Variants in MCAM observed in about 807,000 individuals in gnomAD.
MCAM encodes the protein cell surface glycoprotein MUC18.
MCAM carries 55 observed loss-of-function variants against 79.1 expected under a neutral mutation model. The ratio of observed to expected loss-of-function variants is 0.70; its 90% CI spans 0.56 to 0.87. The LOEUF (loss-of-function observed/expected upper bound fraction) is 0.87. MCAM is among the 40% of genes least tolerant of loss of function. The probability of loss-of-function intolerance (pLI) is 0.00; values close to 1 mark genes in which losing one functional copy is unlikely to be tolerated. For missense variants in MCAM, 745 were observed against 839.8 expected, an observed-to-expected ratio of 0.89 and a Z score of 1.40; for synonymous variants, 330 against 339.8, an observed-to-expected ratio of 0.97 and a Z score of 0.32.
In MCAM at chr11:119,311,679, G is replaced by A. The variant is rs1370326100; in HGVS notation, c.1286-28C>T. ...TGGGGAGGTAGGGAGAGGTGAGGTG[G>A]CAAGCCCAGCTAGCCTGCCTCCCCC... On this transcript the variant is annotated intron_variant, in intron 10 of 15. Coordinates refer to ENST00000264036, the MANE Select transcript of MCAM (RefSeq NM_006500.3). This position sits in a 1 kb window ranked among gnomAD's most constrained non-coding sequence, Gnocchi z 4.4. 1 of 1,613,312 alleles carries A rather than the reference G, an allele frequency of 6.2e-7. No homozygotes were observed. Among genetic ancestry groups the A allele is most frequent in the Admixed American group, 1.7e-5 (1 of 59,992 alleles).
chr11:119,315,328 G>T lies in MCAM; in HGVS notation c.68-65C>A. On this transcript the variant is annotated intron_variant, in intron 1 of 15. Transcript: ENST00000264036. The surrounding 1 kb of genome is among the most constrained non-coding windows in gnomAD (Gnocchi z 4.4). ...CCGGCTGCTGTCCGCCCCTCCCCTC[G>T]CAGCGCTGCTGCAGCTGTTTTTCCT... 1 of 1,542,678 alleles carries T rather than the reference G, an allele frequency of 6.5e-7. No homozygotes were observed. Among genetic ancestry groups the T allele is most frequent in the Non-Finnish European group, 8.7e-7 (1 of 1,147,616 alleles).
In MCAM at chr11:119,314,573, C is replaced by T. The variant is rs747157300; in HGVS notation, c.475G>A (p.Ala159Thr). Residue 159 changes from alanine to threonine, a missense_variant, in exon 5 of 16, where the codon GCT becomes ACT. Ala to Thr is a moderately conservative substitution (Grantham distance 58). Coordinates refer to ENST00000264036, the MANE Select transcript of MCAM (RefSeq NM_006500.3). ...PVNSKEPEEVATCVGRNGYPI... is the reference protein window; with the variant it reads ...PVNSKEPEEVTTCVGRNGYPI... ...TACCCGTTCCTCCCTACACAGGTAG[C>T]GACCTAAAGAGCACAGGGTGTGAGT... 6.8e-6 allele frequency: 11 copies of T among 1,613,666 alleles called. No individual in the cohort carries two copies. The highest frequency in any genetic ancestry group is 1.1e-5 in the South Asian group (1 of 91,076).
chr11:119,315,682 C>A lies in MCAM; in HGVS notation c.68-419G>T, dbSNP rs528719050. 4 of 224,318 alleles carry A rather than the reference C, an allele frequency of 1.8e-5. No individual in the cohort carries two copies. The South Asian group carries it at 2.8e-4, about 16-fold the overall frequency. 13.9% of individuals were successfully genotyped at this position (224,318 alleles called of 1,614,324 possible). The stretch of plus-strand genomic sequence containing the variant: ...GTGTCACCACCGCCAGGGGAAGACA[C>A]CACTGCTCTATCCTCTGCCCTCCAA... On this transcript the variant is annotated intron_variant, in intron 1 of 15. Transcript: ENST00000264036. This position sits in a 1 kb window ranked among gnomAD's most constrained non-coding sequence, Gnocchi z 4.4.
rs376386601 is a variant in MCAM, at chr11:119,312,207, G to A, written c.1025-37C>T. Reference sequence around the variant, plus strand: ...GCAATCATGTCACCCAGGGCAGGGTGGGGCCAGTTCCCTATTGCCCCAGCC... The same window carrying A: ...GCAATCATGTCACCCAGGGCAGGGTAGGGCCAGTTCCCTATTGCCCCAGCC... On this transcript the variant is annotated intron_variant, in intron 8 of 15. Transcript: ENST00000264036. This position sits in a 1 kb window ranked among gnomAD's most constrained non-coding sequence, Gnocchi z 4.9. 3.2e-5 allele frequency: 52 copies of A among 1,611,094 alleles called. No individual in the cohort carries two copies. The African/African-American group carries it at 5.6e-4, about 17-fold the overall frequency.
Position 119,312,331 on chromosome 11 carries a change from C to A in MCAM, c.959G>T (p.Cys320Phe). 6.2e-7 allele frequency: 1 copy of A among 1,614,098 alleles called. No individual in the cohort carries two copies. Among genetic ancestry groups the A allele is most frequent in the Non-Finnish European group, 8.5e-7 (1 of 1,180,002 alleles). ...ARKEHSGRYECQGLDLDTMIS... is the reference protein window; with the variant it reads ...ARKEHSGRYEFQGLDLDTMIS... ...CATGGTGTCCAAGTCCAGGCCCTGA[C>A]ATTCATAGCGCCCACTGTGTTCCTT... Residue 320 changes from cysteine to phenylalanine, a missense_variant, in exon 8 of 16, where the codon TGT becomes TTT. Cys to Phe is a radical substitution (Grantham distance 205). Transcript: ENST00000264036. This position sits in a 1 kb window ranked among gnomAD's most constrained non-coding sequence, Gnocchi z 4.9.
At position 119,315,354 on chromosome 11, in the gene MCAM, G is replaced by A. The variant is rs1223772286; in HGVS notation, c.68-91C>T. 2.7e-6 allele frequency: 4 copies of A among 1,482,128 alleles called. No individual in the cohort carries two copies. The South Asian group carries it at 3.8e-5, about 14-fold the overall frequency. The allele number at this position is 1,482,128 out of a possible 1,614,324, so 91.8% of individuals were successfully genotyped here. On this transcript the variant is annotated intron_variant, in intron 1 of 15. Coordinates refer to ENST00000264036, the MANE Select transcript of MCAM (RefSeq NM_006500.3). The surrounding 1 kb of genome is among the most constrained non-coding windows in gnomAD (Gnocchi z 4.4). ...CAGCGCTGCTGCAGCTGTTTTTCCT[G>A]CCACTCAGAGGGTCTGCAGAGGGCC... is the stretch of plus-strand genomic sequence containing the variant.
chr11:119,316,034 G>T lies in MCAM; in HGVS notation c.68-771C>A. On this transcript the variant is annotated intron_variant, in intron 1 of 15. Transcript: ENST00000264036. This position sits in a 1 kb window ranked among gnomAD's most constrained non-coding sequence, Gnocchi z 4.8. Reference sequence around the variant, plus strand: ...TGGAAGGTGGGGTCTCCAACCCAGAGCCTCAGACCCCTGACTCCTCCCAGA... The same window carrying T: ...TGGAAGGTGGGGTCTCCAACCCAGATCCTCAGACCCCTGACTCCTCCCAGA... 6.6e-6 allele frequency: 1 copy of T among 152,594 alleles called. No individual in the cohort carries two copies. The highest frequency in any genetic ancestry group is 1.5e-5 in the Non-Finnish European group (1 of 68,244). 9.5% of individuals were successfully genotyped at this position (152,594 alleles called of 1,614,324 possible).
intron 5 of MCAM, chr11:119,313,220 T>C (rs1396350174): frequency 6.3e-6 from 9 of 1,434,342 alleles, no homozygotes; most frequent in Non-Finnish European, 7.4e-6. Context: ...AGATGTCCAC[T>C]AAATGGGGAA....
At chr11:119,313,597 C>G (rs1198770432) in intron 5 of MCAM, 1 of 300,644 alleles carries the variant, frequency 3.3e-6, no homozygotes, top group Non-Finnish European at 6.5e-6. Context: ...GATGGGGTTT[C>G]TCCGTGTTGG....
intron 4 of MCAM, 36 bp downstream of exon 4, chr11:119,314,643 G>T: frequency 6.2e-7 from 1 of 1,610,774 alleles, no homozygotes; most frequent in Non-Finnish European, 8.5e-7. Context: ...CAGCGGCTGC[G>T]CACCAGCTGC....
chr11:119,314,488 C>T lies in MCAM; in HGVS notation c.559+1G>A. 1.2e-6 allele frequency: 2 copies of T among 1,613,454 alleles called. No homozygotes were observed. Among genetic ancestry groups the T allele is most frequent in the African/African-American group, 1.3e-5 (1 of 74,988 alleles). On this transcript the variant is annotated splice_donor_variant, in intron 5 of 15. Coordinates refer to ENST00000264036, the MANE Select transcript of MCAM (RefSeq NM_006500.3). LOFTEE classifies it high-confidence loss of function. The stretch of plus-strand genomic sequence containing the variant: ...GGCTTTTGGGAGAAAGGGCTACTCA[C>T]GGTTCTTCTCCTCCTTCAGAGGCCG...
At position 119,309,883 on chromosome 11, in the gene MCAM, G is replaced by A. The variant is rs201935046; in HGVS notation, c.*3C>T. Reference sequence around the variant, plus strand: ...CAGGGAAGGGAGCTGAAGTGATTCGGGGCTAATGCCTCAGATCGATGTATT... The same window carrying A: ...CAGGGAAGGGAGCTGAAGTGATTCGAGGCTAATGCCTCAGATCGATGTATT... On this transcript the variant is annotated 3_prime_UTR_variant, in exon 16 of 16. Coordinates refer to ENST00000264036, the MANE Select transcript of MCAM (RefSeq NM_006500.3). 8.7e-6 allele frequency: 14 copies of A among 1,600,140 alleles called. No homozygotes were observed. In the Admixed American group the frequency reaches 1.6e-4, roughly 18 times the overall value.
rs753858877 is a variant in MCAM, at chr11:119,314,874, C to T, written c.359G>A (p.Arg120His). The T allele has an allele frequency of 7.4e-6, 12 of 1,613,472 alleles. No individual in the cohort carries two copies. In the African/African-American group the frequency reaches 8.0e-5, roughly 11 times the overall value. Reference protein sequence around the residue: ...DERIFLCQGKRPRSQEYRIQL... With the variant: ...DERIFLCQGKHPRSQEYRIQL... ...GATGCGGTACTCCTGGGACCGAGGG[C>T]GCTTGCCCTGGCACAAGAAGATGCG... Residue 120 changes from arginine (R) to histidine (H), a missense_variant, in exon 3 of 16, where the codon CGC (arginine) becomes CAC (histidine). Physicochemically the swap from Arg to His is conservative, Grantham distance 29 (BLOSUM62 0). Transcript: ENST00000264036.
rs200973320 is a variant in MCAM, at chr11:119,314,829, G to A, written c.400+4C>T. ...ACCCTGCTGGCAGACACAGGGTCACGCACTGTAGACGCGGAGCTGGATGCG... is the reference window on the plus strand; with the variant it reads ...ACCCTGCTGGCAGACACAGGGTCACACACTGTAGACGCGGAGCTGGATGCG... On this transcript the variant is annotated splice_donor_region_variant and intron_variant, in intron 3 of 15. Coordinates refer to ENST00000264036, the MANE Select transcript of MCAM (RefSeq NM_006500.3). The A allele has an allele frequency of 6.0e-5, 97 of 1,613,642 alleles. No homozygotes were observed. In the East Asian group the frequency reaches 1.6e-3, roughly 27 times the overall value.
chr11:119,312,769 C>T lies in MCAM; in HGVS notation c.739+1G>A. 1 of 1,613,980 alleles carries T rather than the reference C, an allele frequency of 6.2e-7. No individual in the cohort carries two copies. The highest frequency in any genetic ancestry group is 1.1e-5 in the South Asian group (1 of 91,068). On this transcript the variant is annotated splice_donor_variant, in intron 6 of 15. Transcript: ENST00000264036. LOFTEE classifies it high-confidence loss of function. This position sits in a 1 kb window ranked among gnomAD's most constrained non-coding sequence, Gnocchi z 4.9. ...AAGCAGAGAGTCAGGTTAGTACTCACAGAAAACAGGGACGGTGACTTCCCT... is the reference window on the plus strand; with the variant it reads ...AAGCAGAGAGTCAGGTTAGTACTCATAGAAAACAGGGACGGTGACTTCCCT...
rs756855138 is a variant in MCAM at position 119,311,257 on chromosome 11, C to A, written c.1549+23G>T. 3 of 1,613,804 alleles carry A rather than the reference C, an allele frequency of 1.9e-6. No individual in the cohort carries two copies. Among genetic ancestry groups the A allele is most frequent in the African/African-American group, 1.3e-5 (1 of 74,912 alleles). Reference sequence around the variant, plus strand: ...CGTGCCTGGGCCTGCCCCTGCCATCCCCTGCAGGGATGCAGCCCTCACCCA... The same window carrying A: ...CGTGCCTGGGCCTGCCCCTGCCATCACCTGCAGGGATGCAGCCCTCACCCA... On this transcript the variant is annotated intron_variant, in intron 12 of 15. Transcript: ENST00000264036. The surrounding 1 kb of genome is among the most constrained non-coding windows in gnomAD (Gnocchi z 4.4).
intron 15 of MCAM, 67 bp from the exon 16 acceptor site, chr11:119,309,982 G>A (rs1292220870): frequency 8.4e-6 from 11 of 1,307,696 alleles, no homozygotes; most frequent in Non-Finnish European, 1.1e-5. Context: ...TGAGCACCGA[G>A]AGGAAGGAGA....
chr11:119,313,117 C>T, intron 5 of MCAM, 168 bp from the exon 6 acceptor site: 1 of 1,535,244 alleles, frequency 6.5e-7, no homozygotes, highest in Non-Finnish European at 8.7e-7. Flanking sequence ...ACTTTTACTG[C>T]TCAGTGTCAA....
In MCAM at chr11:119,311,327, G is replaced by A. The variant is rs1950230642; in HGVS notation, c.1502C>T (p.Ala501Val). ...ELLETGVECT[A>V]SNDLGKNTSI... ...GGTGTTTTTGCCCAGGTCGTTGGAG[G>A]CCGTGCATTCAACACCTGTCTCCAA... The change falls in exon 12 of 16, where the codon GCC (alanine) becomes GTC (valine). Residue 501 changes from alanine (A) to valine (V), a missense_variant. Ala to Val is a moderately conservative substitution (Grantham distance 64). Transcript: ENST00000264036. This position sits in a 1 kb window ranked among gnomAD's most constrained non-coding sequence, Gnocchi z 4.4. 1.9e-6 allele frequency: 3 copies of A among 1,614,092 alleles called. No individual in the cohort carries two copies. Among genetic ancestry groups the A allele is most frequent in the African/African-American group, 2.7e-5 (2 of 74,928 alleles).
Sources: allele counts gnomAD v4.1 joint callset, GRCh38; gene constraint gnomAD v4.1.1; non-coding constraint Gnocchi (gnomAD v3.1); transcripts MANE v1.5; gene names NCBI Gene and HGNC (gene_info 2026-07-23, HGNC 2026-07-21).